The following PDE10A variants were observed in gnomAD, a reference collection of about 807,000 sequenced individuals.
PDE10A encodes phosphodiesterase 10A, also known as cAMP and cAMP-inhibited cGMP 3',5'-cyclic phosphodiesterase 10A.
A neutral mutation model predicts 97.7 loss-of-function variants in PDE10A; 39 were observed. That is an observed-to-expected ratio of 0.40 (90% CI 0.31 to 0.52). PDE10A has a LOEUF of 0.52. PDE10A is among the 20% of genes least tolerant of loss of function. The pLI, the probability that PDE10A is intolerant of heterozygous loss-of-function variation, is 0.56. For missense variants in PDE10A, 731 were observed against 1,047.8 expected (o/e 0.70, Z 4.17); for synonymous variants, 371 against 376.8 (o/e 0.98, Z 0.18).
chr6:165,345,232 G>GGCATTATAAAACACATGAAA (rs1782229812), intron 18 of PDE10A, among the ~76,000 whole-genome samples: 1 of 151,964 alleles, frequency 6.6e-6, no homozygotes, highest in African/African-American at 2.4e-5. Context: ...AATAGAATTG[G>GGCATTATAAAACACATGAAA]GCATTATAAA....
intron 1 of PDE10A, among the ~76,000 whole-genome samples, chr6:165,817,881 T>C (rs1253511823): frequency 1.3e-5 from 2 of 152,188 alleles, no homozygotes; most frequent in African/African-American, 4.8e-5. Context: ...TGCGGTAGAA[T>C]GTTAATATTT....
intron 1 of PDE10A, among the ~76,000 whole-genome samples, chr6:165,719,448 G>T (rs1232973495): frequency 6.6e-6 from 1 of 152,212 alleles, no homozygotes; most frequent in Non-Finnish European, 1.5e-5. Flanking sequence ...GTAACAAAAT[G>T]ACAAGAATTC....
At chr6:165,717,836 T>C (rs1792063875) in intron 1 of PDE10A, among the ~76,000 whole-genome samples, 1 of 152,202 alleles carries the variant, frequency 6.6e-6, no homozygotes, top group Admixed American at 6.5e-5. Flanking sequence ...AGTGGTAATG[T>C]CTGGGGATGT....
At chr6:165,364,962 GA>G (rs1783673204) in intron 18 of PDE10A, among the ~76,000 whole-genome samples, 1 of 151,894 alleles carries the variant, frequency 6.6e-6, no homozygotes, top group Non-Finnish European at 1.5e-5. Flanking sequence ...TCAATGCCCA[GA>G]TCATAATACA....
At chr6:165,592,794 A>C (rs1020794162) in intron 1 of PDE10A, among the ~76,000 whole-genome samples, 7 of 152,192 alleles carry the variant, frequency 4.6e-5, no homozygotes, top group Non-Finnish European at 7.3e-5. Context: ...AAAAGTCAGG[A>C]AACAACAGGT....
At chr6:165,397,962 CATTAAA>C (rs1476127746) in intron 13 of PDE10A, among the ~76,000 whole-genome samples, 1 of 151,896 alleles carries the variant, frequency 6.6e-6, no homozygotes, top group Non-Finnish European at 1.5e-5. Context: ...AAATCAGAAA[CATTAAA>C]ATTAAGTGGG....
At chr6:165,691,106 T>TCTCTTC (rs143783728) in intron 1 of PDE10A, among the ~76,000 whole-genome samples, 13 of 39,124 alleles carry the variant, frequency 3.3e-4, no homozygotes, top group African/African-American at 1.1e-3. Flanking sequence ...TCTTTCTCTC[T>TCTCTTC]CCCCCCCCCC....
intron 1 of PDE10A, among the ~76,000 whole-genome samples, chr6:165,764,588 C>CA (rs1163450338): frequency 6.6e-6 from 1 of 152,042 alleles, no homozygotes; most frequent in Admixed American, 6.5e-5. Context: ...CTTGCTGGCT[C>CA]AGGAGTGAAG....
intron 1 of PDE10A, among the ~76,000 whole-genome samples, chr6:165,861,373 G>C (rs2934846): frequency 0.72 from 108,466 of 150,594 alleles, 39,492 homozygotes; most frequent in East Asian, 0.96. Flanking sequence ...GTAAAACAAG[G>C]ACACAGCTTG....
intron 1 of PDE10A, among the ~76,000 whole-genome samples, chr6:165,891,992 A>G (rs1276730714): frequency 6.6e-6 from 1 of 151,094 alleles, no homozygotes; most frequent in East Asian, 2.0e-4. Flanking sequence ...AGCTTCCAGT[A>G]TTCACCCATC....
chr6:165,413,838 G>T, intron 12 of PDE10A, 151 bp from the exon 13 acceptor site: 3 of 596,398 alleles, frequency 5.0e-6, no homozygotes, highest in Non-Finnish European at 8.9e-6. Context: ...CTACATTCAG[G>T]GACAGTAACA....
chr6:165,961,447 A>G (rs904924720), intron 1 of PDE10A, among the ~76,000 whole-genome samples: 1 of 152,222 alleles, frequency 6.6e-6, no homozygotes, highest in African/African-American at 2.4e-5. Flanking sequence ...TTTCATTACC[A>G]TGAGGTGGCG....
intron 1 of PDE10A, among the ~76,000 whole-genome samples, chr6:165,725,331 C>T (rs1170225394): frequency 4.6e-5 from 7 of 152,220 alleles, no homozygotes; most frequent in South Asian, 2.1e-4. Context: ...ACAAAAAGAG[C>T]GCCCTGTAAC....
intron 1 of PDE10A, among the ~76,000 whole-genome samples, chr6:165,704,384 T>C (rs781178813): frequency 3.9e-5 from 6 of 152,166 alleles, no homozygotes; most frequent in Non-Finnish European, 7.3e-5. Context: ...CGGTAGGATA[T>C]ACTCAGCTGA....
intron 20 of PDE10A, among the ~76,000 whole-genome samples, chr6:165,339,046 A>C (rs2128177585): frequency 6.6e-6 from 1 of 152,356 alleles, no homozygotes; most frequent in East Asian, 1.9e-4. Flanking sequence ...TGTCTTAGCA[A>C]GTGAAGGCTC....
chr6:165,803,983 C>G (rs1020746315), intron 1 of PDE10A, among the ~76,000 whole-genome samples: 1 of 152,212 alleles, frequency 6.6e-6, no homozygotes, highest in African/African-American at 2.4e-5. Context: ...GCCATGGAAC[C>G]AGTCTGGTGG....
At chr6:165,797,497 T>G (rs776537948) in intron 1 of PDE10A, among the ~76,000 whole-genome samples, 1 of 152,218 alleles carries the variant, frequency 6.6e-6, no homozygotes, top group Non-Finnish European at 1.5e-5. Flanking sequence ...TTCTCTTTAA[T>G]TCACAATATT....
At chr6:165,499,933 G>T (rs900794049) in intron 2 of PDE10A, among the ~76,000 whole-genome samples, 1 of 151,980 alleles carries the variant, frequency 6.6e-6, no homozygotes, top group East Asian at 1.9e-4. Context: ...AAATTTAAGG[G>T]GATTTCCTTA....
At chr6:165,778,458 T>C (rs1319940922) in intron 1 of PDE10A, among the ~76,000 whole-genome samples, 1 of 152,226 alleles carries the variant, frequency 6.6e-6, no homozygotes, top group African/African-American at 2.4e-5. Context: ...TTCTGTATAA[T>C]ATTCCATTTT....
Sources: gnomAD v4.1 joint callset for allele counts (sites outside exome capture counted in the v4.1 genomes callset) on GRCh38, gnomAD v4.1.1 for gene constraint, MANE v1.5 for transcripts, NCBI Gene and HGNC (gene_info 2026-07-23, HGNC 2026-07-21) for gene names.